Variants in ADGRL2 observed in about 807,000 individuals in gnomAD.
ADGRL2 encodes the protein calcium-independent alpha-latrotoxin receptor 2.
In ADGRL2, 44 loss-of-function variants were observed where a neutral mutation model predicts 157.4. That is an observed-to-expected ratio of 0.28 (90% CI 0.22 to 0.36). The LOEUF (loss-of-function observed/expected upper bound fraction) is 0.36. Ranked by LOEUF, ADGRL2 falls within the 10% of genes least tolerant of loss-of-function variation. The pLI is 1.00. For missense variants in ADGRL2, 1,510 were observed against 1,768.9 expected, an observed-to-expected ratio of 0.85 and a Z score of 2.63; for synonymous variants, 585 against 624.7, an observed-to-expected ratio of 0.94 and a Z score of 0.95.
chr1:81,556,926 A>G (rs2080293560), intron 2 of ADGRL2, among the ~76,000 whole-genome samples: 1 of 151,850 alleles, frequency 6.6e-6, no homozygotes, highest in Non-Finnish European at 1.5e-5. Flanking sequence ...AAATACACAA[A>G]AAATTAGCCA....
At chr1:81,813,159 C>T (rs1413532899) in intron 1 of ADGRL2, among the ~76,000 whole-genome samples, 1 of 151,622 alleles carries the variant, frequency 6.6e-6, no homozygotes, top group Non-Finnish European at 1.5e-5. Context: ...ATTAAAAAAT[C>T]AATTCCAGTC....
At chr1:81,507,656 G>A (rs1271760433) in intron 2 of ADGRL2, among the ~76,000 whole-genome samples, 1 of 152,180 alleles carries the variant, frequency 6.6e-6, no homozygotes, top group African/African-American at 2.4e-5. Context: ...GCTGAGCCGC[G>A]TTGAGGGGAA....
intron 2 of ADGRL2, among the ~76,000 whole-genome samples, chr1:81,777,339 T>C (rs1388972678): frequency 2.6e-5 from 4 of 152,224 alleles, no homozygotes; most frequent in African/African-American, 9.6e-5. Flanking sequence ...GTTCCTCATT[T>C]TTTCCCCCAG....
chr1:81,915,552 G>C (rs2094835973), intron 3 of ADGRL2, among the ~76,000 whole-genome samples: 3 of 152,090 alleles, frequency 2.0e-5, no homozygotes, highest in African/African-American at 7.2e-5. Context: ...TTTTCCATAA[G>C]GACATTACAT....
chr1:81,748,697 T>G (rs567593880), intron 1 of ADGRL2, among the ~76,000 whole-genome samples: 1 of 152,180 alleles, frequency 6.6e-6, no homozygotes, highest in African/African-American at 2.4e-5. Flanking sequence ...AGATGAAGTC[T>G]CACTCTGTCA....
At chr1:81,460,286 G>A (rs746291702) in intron 2 of ADGRL2, among the ~76,000 whole-genome samples, 7 of 151,274 alleles carry the variant, frequency 4.6e-5, no homozygotes, top group Non-Finnish European at 1.0e-4. Flanking sequence ...TATATATATA[G>A]TGTTTGAAGT....
chr1:81,814,812 T>C (rs1036242929), intron 1 of ADGRL2, among the ~76,000 whole-genome samples: 1 of 86,154 alleles, frequency 1.2e-5, no homozygotes, highest in African/African-American at 3.4e-5. Flanking sequence ...GTTCAGGTAA[T>C]GTTGTTAATT....
intron 3 of ADGRL2, among the ~76,000 whole-genome samples, chr1:81,684,496 C>T (rs2083190377): frequency 6.6e-6 from 1 of 152,064 alleles, no homozygotes; most frequent in African/African-American, 2.4e-5. Flanking sequence ...TTTTCTCTTA[C>T]TGACTTGTTT....
intron 13 of ADGRL2, 46 bp downstream of exon 13, chr1:81,966,655 G>C (rs772444874): frequency 1.3e-6 from 2 of 1,551,154 alleles, no homozygotes; most frequent in South Asian, 1.1e-5. Context: ...TATAAAAGCA[G>C]AAAGAAAGGA....
chr1:81,970,198 G>C, intron 15 of ADGRL2, 116 bp from the exon 16 acceptor site: 2 of 763,230 alleles, frequency 2.6e-6, no homozygotes, highest in Non-Finnish European at 2.3e-6. Context: ...AGTTTACTCT[G>C]AATAATGTAT....
At chr1:81,427,393 T>C (rs1270190901) in intron 1 of ADGRL2, 1 of 740,954 alleles carries the variant, frequency 1.3e-6, no homozygotes, top group Non-Finnish European at 2.5e-6. Flanking sequence ...GTAGATATGG[T>C]GGTGGTGGTG....
At chr1:81,980,229 A>G (rs747984598) in intron 18 of ADGRL2, among the ~76,000 whole-genome samples, 4 of 151,768 alleles carry the variant, frequency 2.6e-5, no homozygotes, top group Non-Finnish European at 4.4e-5. Context: ...TGAATTTAAA[A>G]TGCAGTTCAA....
Position 81,776,191 on chromosome 1 carries a change from A to ATTT in ADGRL2, c.-101+14352_-101+14354dup, listed in dbSNP as rs34378166. 4.1e-5 allele frequency among the ~76,000 whole-genome samples: 6 copies of ATTT among 144,908 alleles called. 1 individual carries two copies. Reference sequence around the variant, plus strand: ...ACTGTGCCTCAGAGTACCTTAAAGCATTTTTTTTTTTTTTTGAGATGGAGT... The same window carrying ATTT: ...ACTGTGCCTCAGAGTACCTTAAAGCATTTTTTTTTTTTTTTTTTGAGATGGAGT... On this transcript the variant is annotated intron_variant, in intron 2 of 20. Coordinates refer to the ADGRL2 transcript ENST00000359929.
intron 1 of ADGRL2, among the ~76,000 whole-genome samples, chr1:81,825,413 A>G (rs1295717494): frequency 6.6e-6 from 1 of 151,960 alleles, no homozygotes; most frequent in East Asian, 1.9e-4. Flanking sequence ...CAGTGGCGCA[A>G]TCTCATCTCA....
intron 1 of ADGRL2, among the ~76,000 whole-genome samples, chr1:81,339,558 C>A (rs1219867706): frequency 1.3e-5 from 2 of 151,640 alleles, no homozygotes; most frequent in African/African-American, 4.9e-5. Context: ...TCTTATTGTA[C>A]CTTATTGGTC....
intron 2 of ADGRL2, among the ~76,000 whole-genome samples, chr1:81,843,455 A>G (rs987567358): frequency 6.6e-6 from 1 of 152,154 alleles, no homozygotes; most frequent in East Asian, 1.9e-4. Flanking sequence ...ATTTAAGAAA[A>G]TACTTAACTG....
chr1:81,885,437 T>A (rs2151305519), intron 2 of ADGRL2, among the ~76,000 whole-genome samples: 1 of 152,314 alleles, frequency 6.6e-6, no homozygotes, highest in East Asian at 1.9e-4. Context: ...TGCTAAGGCC[T>A]GCCAAATTGG....
intron 2 of ADGRL2, among the ~76,000 whole-genome samples, chr1:81,548,500 A>C (rs952603493): frequency 6.6e-6 from 1 of 152,034 alleles, no homozygotes; most frequent in East Asian, 1.9e-4. Context: ...ACTGTTAAGT[A>C]GCTTTAAAAT....
chr1:81,511,323 T>C (rs932952433), intron 2 of ADGRL2, among the ~76,000 whole-genome samples: 6 of 148,374 alleles, frequency 4.0e-5, no homozygotes, highest in African/African-American at 1.5e-4. Flanking sequence ...ATAGAATCCC[T>C]TGAGCCCAGG....
Sources: allele counts gnomAD v4.1 joint callset (sites outside exome capture counted in the v4.1 genomes callset), GRCh38; gene constraint gnomAD v4.1.1; transcripts MANE v1.5; gene names NCBI Gene and HGNC (gene_info 2026-07-23, HGNC 2026-07-21).